Variants in EPM2A observed in about 807,000 individuals in gnomAD.
The protein encoded by EPM2A is laforin.
In EPM2A, 21 loss-of-function variants were observed where a neutral mutation model predicts 26.5. The ratio of observed to expected loss-of-function variants is 0.79; its 90% CI spans 0.56 to 1.14. The LOEUF (loss-of-function observed/expected upper bound fraction) is 1.14. EPM2A is among the 50% of genes most tolerant of loss of function. The pLI, the probability that EPM2A is intolerant of heterozygous loss-of-function variation, is 0.00. For missense variants in EPM2A, 458 were observed against 440.8 expected (o/e 1.04, Z -0.35); for synonymous variants, 217 against 177.6 (o/e 1.22, Z -1.76).
At chr6:145,516,468 T>C (rs1342792945) in intron 2 of EPM2A, among the ~76,000 whole-genome samples, 1 of 152,040 alleles carries the variant, frequency 6.6e-6, no homozygotes, top group African/African-American at 2.4e-5. Flanking sequence ...CAGAAAACAA[T>C]ACTGGTGGCT....
At chr6:145,577,646 GA>G (rs1488266660) in intron 2 of EPM2A, among the ~76,000 whole-genome samples, 5 of 150,958 alleles carry the variant, frequency 3.3e-5, no homozygotes, top group Non-Finnish European at 5.9e-5. Flanking sequence ...AGATTATATA[GA>G]CAGAAATTCA....
At chr6:145,627,953 G>A (rs1166746652) in intron 3 of EPM2A, 9 of 518,642 alleles carry the variant, frequency 1.7e-5, no homozygotes, top group East Asian at 6.4e-5. Flanking sequence ...GGGTGACTTC[G>A]CCATCCATGC....
chr6:145,495,431 G>A (rs996903151), intron 4 of EPM2A, among the ~76,000 whole-genome samples: 4 of 151,806 alleles, frequency 2.6e-5, no homozygotes, highest in African/African-American at 9.7e-5. Context: ...ATGGGTCTTG[G>A]TTCTTTATCC....
chr6:145,581,729 C>A (rs1381112120), intron 2 of EPM2A, among the ~76,000 whole-genome samples: 1 of 152,188 alleles, frequency 6.6e-6, no homozygotes. Flanking sequence ...ATCCCAACAC[C>A]ATTTATTGAA....
At chr6:145,441,109 C>T (rs532842138) in intron 4 of EPM2A, among the ~76,000 whole-genome samples, 1 of 152,364 alleles carries the variant, frequency 6.6e-6, no homozygotes, top group Admixed American at 6.5e-5. Flanking sequence ...CATTTCCATA[C>T]ATCCCCTGAA....
chr6:145,735,448 C>T lies in EPM2A; in HGVS notation c.51G>A (p.Arg17=). 1 of 1,244,362 alleles carries T rather than the reference C, an allele frequency of 8.0e-7. No homozygotes were observed. Among genetic ancestry groups the T allele is most frequent in the South Asian group, 2.8e-5 (1 of 35,640 alleles). 77.1% of individuals were successfully genotyped at this position (1,244,362 alleles called of 1,614,324 possible). A position where few individuals can be genotyped will look rare whatever the true frequency, so the allele number is the denominator to read the frequency against. ...VVVPPAVAGA[R]PELLVVGSRP... is the part of the protein sequence containing the mutation. Reference sequence around the variant, plus strand: ...GCGACCCCACCACCAGCAGCTCCGGCCGGGCGCCGGCCACGGCGGGTGGCA... The same window carrying T: ...GCGACCCCACCACCAGCAGCTCCGGTCGGGCGCCGGCCACGGCGGGTGGCA... Residue 17 remains arginine (R), a synonymous_variant, in exon 1 of 4, where the codon CGG becomes CGA. Coordinates refer to ENST00000367519, the MANE Select transcript of EPM2A (RefSeq NM_005670.4).
chr6:145,668,678 A>C (rs1422094193), intron 2 of EPM2A, among the ~76,000 whole-genome samples: 1 of 152,170 alleles, frequency 6.6e-6, no homozygotes, highest in Non-Finnish European at 1.5e-5. Flanking sequence ...ATCTCAGAGC[A>C]GTACCTCCAT....
chr6:145,512,859 C>T (rs1268432060), intron 2 of EPM2A, among the ~76,000 whole-genome samples: 1 of 151,832 alleles, frequency 6.6e-6, no homozygotes, highest in African/African-American at 2.4e-5. Flanking sequence ...TACTGGCTAG[C>T]CACATGCAGA....
chr6:145,482,931 G>A (rs1204675910), intron 4 of EPM2A, among the ~76,000 whole-genome samples: 4 of 150,862 alleles, frequency 2.7e-5, no homozygotes, highest in Admixed American at 6.6e-5. Context: ...TTCCTGAATT[G>A]AGTGAGTACT....
At chr6:145,401,312 C>T (rs1778483086) in intron 4 of EPM2A, among the ~76,000 whole-genome samples, 2 of 152,070 alleles carry the variant, frequency 1.3e-5, no homozygotes, top group Admixed American at 1.3e-4. Context: ...TACACAAGTA[C>T]TCTATTTTCA....
intron 2 of EPM2A, among the ~76,000 whole-genome samples, chr6:145,658,036 A>G (rs1295228879): frequency 6.6e-6 from 1 of 152,152 alleles, no homozygotes; most frequent in Non-Finnish European, 1.5e-5. Context: ...AGCTATGTGT[A>G]CCTTTATGTG....
At chr6:145,594,948 T>A (rs951553192) in intron 2 of EPM2A, among the ~76,000 whole-genome samples, 1 of 151,864 alleles carries the variant, frequency 6.6e-6, no homozygotes, top group Non-Finnish European at 1.5e-5. Flanking sequence ...CTTTTCACCC[T>A]TTTTTGATGT....
intron 1 of EPM2A, among the ~76,000 whole-genome samples, chr6:145,689,148 T>C (rs894675350): frequency 3.9e-5 from 6 of 152,246 alleles, no homozygotes; most frequent in Non-Finnish European, 8.8e-5. Context: ...CTTTAATTAC[T>C]CATTTTTACA....
At chr6:145,494,394 G>T (rs1235331265) in intron 4 of EPM2A, among the ~76,000 whole-genome samples, 1 of 151,810 alleles carries the variant, frequency 6.6e-6, no homozygotes, top group Admixed American at 6.6e-5. Flanking sequence ...ATTTGTCTAG[G>T]TAGTAGTCTA....
At position 145,540,668 on chromosome 6, in the gene EPM2A, G is replaced by A. The variant is rs565330172; in HGVS notation, c.341-38093C>T. 3.9e-5 allele frequency among the ~76,000 whole-genome samples: 6 copies of A among 152,228 alleles called. No individual in the cohort carries two copies. The South Asian group carries it at 1.0e-3, about 26-fold the overall frequency. ...TGATAAGTAAAGAATAAAATACTTT[G>A]CTTTTTAGGGAAATTTGTCTTTTAC... On this transcript the variant is annotated intron_variant, in intron 2 of 3. Transcript: ENST00000450221.
At chr6:145,624,531 T>TA (rs1262138991), downstream of EPM2A, among the ~76,000 whole-genome samples, 1 of 152,236 alleles carries the variant, frequency 6.6e-6, no homozygotes, top group Non-Finnish European at 1.5e-5. Context: ...ACTTATCCTT[T>TA]ACCTTTGGTC....
At chr6:145,658,210 C>T (rs958135164) in intron 2 of EPM2A, among the ~76,000 whole-genome samples, 1 of 152,184 alleles carries the variant, frequency 6.6e-6, no homozygotes. Flanking sequence ...CATCTGTCCA[C>T]GCATGCAGTC....
At chr6:145,578,774 C>T (rs1185951801) in intron 2 of EPM2A, among the ~76,000 whole-genome samples, 1 of 152,108 alleles carries the variant, frequency 6.6e-6, no homozygotes, top group Non-Finnish European at 1.5e-5. Context: ...TTTATGTAAA[C>T]TCCATGAAGT....
intron 2 of EPM2A, among the ~76,000 whole-genome samples, chr6:145,567,367 A>T (rs80179570): frequency 0.016 from 2,513 of 152,318 alleles, 23 homozygotes; most frequent in Admixed American, 0.023. Flanking sequence ...GCCACACACA[A>T]GCCTCAAATT....
Sources: gnomAD v4.1 joint callset for allele counts (sites outside exome capture counted in the v4.1 genomes callset) on GRCh38, gnomAD v4.1.1 for gene constraint, MANE v1.5 for transcripts, NCBI Gene and HGNC (gene_info 2026-07-23, HGNC 2026-07-21) for gene names.